Variants in OTUD4 observed in about 807,000 individuals in gnomAD.
The protein encoded by OTUD4 is OTU domain-containing protein 4.
A neutral mutation model predicts 130.4 loss-of-function variants in OTUD4; 24 were observed. The ratio of observed to expected loss-of-function variants is 0.18; its 90% CI spans 0.13 to 0.26. The LOEUF is 0.26. Among genes scored for constraint, OTUD4 ranks in the 10% least tolerant of loss-of-function variants. OTUD4 has a pLI of 1.00. For synonymous variants in OTUD4, 420 were observed against 472.5 expected (o/e 0.89, Z 1.44); for missense variants, 1,031 against 1,329.4 (o/e 0.78, Z 3.49).
At chr4:145,144,783 C>T (rs754781308) in intron 14 of OTUD4, among the ~76,000 whole-genome samples, 9 of 152,110 alleles carry the variant, frequency 5.9e-5, no homozygotes, top group Non-Finnish European at 1.0e-4. Flanking sequence ...CCAAAAAAAT[C>T]ATTGTAGCGC....
At chr4:145,139,263 GATAGTAAA>G (rs1231117774) in intron 20 of OTUD4, among the ~76,000 whole-genome samples, 3 of 152,184 alleles carry the variant, frequency 2.0e-5, no homozygotes, top group Non-Finnish European at 4.4e-5. Context: ...CAATGCAGCA[GATAGTAAA>G]ATAATCAAGT....
At position 145,135,715 on chromosome 4, in the gene OTUD4, A is replaced by C. The variant is rs1348328543; in HGVS notation, c.*1715T>G. 6.6e-6 allele frequency: 1 copy of C among 152,644 alleles called. No individual in the cohort carries two copies. 9.5% of individuals were successfully genotyped at this position (152,644 alleles called of 1,614,324 possible). A position where few individuals can be genotyped will look rare whatever the true frequency, so the allele number is the denominator to read the frequency against. On this transcript the variant is annotated 3_prime_UTR_variant, in exon 21 of 21. Transcript: ENST00000447906. ...ACAATTTTTTACCTAGCACCATCAT[A>C]ATAAAATGTTATCTTTCAAAGTGCT...
At chr4:145,155,724 C>T (rs2126770663) in intron 8 of OTUD4, 38 bp from the exon 9 acceptor site, 7 of 1,337,774 alleles carry the variant, frequency 5.2e-6, no homozygotes, top group Non-Finnish European at 6.3e-6. Flanking sequence ...CACATAAGTG[C>T]TTTTAAAACA....
chr4:145,152,345 T>A (rs1199840533), intron 11 of OTUD4, among the ~76,000 whole-genome samples, 196 bp downstream of exon 11: 3 of 152,182 alleles, frequency 2.0e-5, no homozygotes, highest in Non-Finnish European at 4.4e-5. Flanking sequence ...TCTCCTGACC[T>A]CATGATCCAC....
rs199653619 is a variant in OTUD4, at chr4:145,155,950, A to C, written c.676T>G (p.Leu226Val). The C allele has an allele frequency of 9.3e-6, 15 of 1,610,122 alleles. No homozygotes were observed. In the Admixed American group the frequency reaches 2.0e-4, roughly 22 times the overall value. ...AAAAAAAATACCTCATTGCCTGACA[A>C]AGGTTTAAATCCATTCACATCAGCA... Reference protein sequence around the residue: ...AAADVNGFKPLSGNEQLKNNG... With the variant: ...AAADVNGFKPVSGNEQLKNNG... Residue 226 changes from leucine (L) to valine (V), a missense_variant, in exon 8 of 21, where the codon TTG becomes GTG. Transcript: ENST00000447906.
At chr4:145,152,684 C>G (rs779155815) in intron 10 of OTUD4, 49 bp from the exon 11 acceptor site, 4 of 1,029,048 alleles carry the variant, frequency 3.9e-6, no homozygotes, top group Admixed American at 4.0e-5. Flanking sequence ...CAGTCACCTG[C>G]TTCCTTTGCA....
At chr4:145,162,281 C>T (rs1579274824) in intron 6 of OTUD4, among the ~76,000 whole-genome samples, 1 of 152,094 alleles carries the variant, frequency 6.6e-6, no homozygotes, top group Admixed American at 6.6e-5. Flanking sequence ...AGGCCGGGCA[C>T]GGTAGCTCAC....
chr4:145,136,099 TAATAA>T lies in OTUD4; in HGVS notation c.*1326_*1330del, dbSNP rs1347629383. ...TCCTGATCAGAAGATAATCTCAACA[TAATAA>T]AAGAGTGGATTTTCACATTGGTATG... On this transcript the variant is annotated 3_prime_UTR_variant, in exon 21 of 21. Coordinates refer to ENST00000447906, the MANE Select transcript of OTUD4 (RefSeq NM_001366057.1). 6.6e-6 allele frequency: 1 copy of T among 152,582 alleles called. No homozygotes were observed. The highest frequency in any genetic ancestry group is 2.4e-5 in the African/African-American group (1 of 41,424). The allele number at this position is 152,582 out of a possible 1,614,324, so 9.5% of individuals were successfully genotyped here.
At chr4:145,179,790 G>GCCCCCCCCCCCCCCCCCCCA in intron 1 of OTUD4, 25 bp downstream of exon 1, 1 of 703,092 alleles carries the variant, frequency 1.4e-6, no homozygotes, top group Non-Finnish European at 1.9e-6. Flanking sequence ...TCCCCTCGAA[G>GCCCCCCCCCCCCCCCCCCCA]CCCTCCCCGC....
In OTUD4 at chr4:145,144,005, T is replaced by C. The variant is rs1255419935; in HGVS notation, c.1547-4A>G. ...TGACTATGTCCATGAATAGAGTCTA[T>C]AGCAGATCAAGATTAAAAAAGACAG... On this transcript the variant is annotated splice_region_variant and splice_polypyrimidine_tract_variant and intron_variant, in intron 15 of 20. Transcript: ENST00000447906. 4.1e-5 allele frequency: 66 copies of C among 1,609,558 alleles called. No individual in the cohort carries two copies. The highest frequency in any genetic ancestry group is 3.3e-4 in the Middle Eastern group (2 of 6,076).
chr4:145,179,538 A>G (rs568529030), intron 1 of OTUD4: 3 of 1,113,950 alleles, frequency 2.7e-6, no homozygotes, highest in Non-Finnish European at 3.5e-6. Context: ...TCAACTGTAC[A>G]AGCTCCGAGC....
rs747742018 is a variant in OTUD4 at position 145,171,686 on chromosome 4, C to T, written c.278G>A (p.Arg93His). The stretch of plus-strand genomic sequence containing the variant: ...GTGACATACCTGTGGATTTTCCAAA[C>T]GCTTTAAATATTCTTCAAATGATCC... ...IEGSFEEYLK[R>H]LENPQEWVGQ... The change falls in exon 3 of 21, where the codon CGT becomes CAT. Residue 93 changes from arginine (R) to histidine (H), a missense_variant. Arg to His is a conservative substitution (Grantham distance 29). Around this residue, in one of 3 missense-constraint regions of OTUD4, gnomAD observed 77 missense variants for 172.9 expected, o/e 0.45. Coordinates refer to ENST00000447906, the MANE Select transcript of OTUD4 (RefSeq NM_001366057.1). The T allele has an allele frequency of 3.7e-6, 5 of 1,353,638 alleles. No individual in the cohort carries two copies. The highest frequency in any genetic ancestry group is 1.2e-5 in the South Asian group (1 of 84,548). The allele number at this position is 1,353,638 out of a possible 1,614,324, so 83.9% of individuals were successfully genotyped here.
intron 11 of OTUD4, among the ~76,000 whole-genome samples, chr4:145,152,112 G>A (rs1260772573): frequency 3.9e-5 from 6 of 152,058 alleles, no homozygotes; most frequent in Middle Eastern, 3.2e-3. Context: ...TCTAGAGGTC[G>A]GAACAAATAT....
At chr4:145,179,579 C>T (rs1215070319) in intron 1 of OTUD4, 24 of 1,354,020 alleles carry the variant, frequency 1.8e-5, no homozygotes, top group Non-Finnish European at 2.2e-5. Flanking sequence ...AACTCATTAC[C>T]TCTTCATCAG....
intron 11 of OTUD4, 29 bp from the exon 12 acceptor site, chr4:145,150,934 T>A (rs1281375485): frequency 7.3e-7 from 1 of 1,374,570 alleles, no homozygotes; most frequent in Non-Finnish European, 1.0e-6. Context: ...TTGTGATAGC[T>A]TAAAATACCC....
intron 4 of OTUD4, 35 bp from the exon 5 acceptor site, chr4:145,164,261 C>T (rs1266041722): frequency 1.1e-6 from 1 of 948,724 alleles, no homozygotes; most frequent in Non-Finnish European, 1.6e-6. Flanking sequence ...TTATAATGGA[C>T]TATACTTCAT....
At chr4:145,169,915 G>C (rs1012638588) in intron 3 of OTUD4, among the ~76,000 whole-genome samples, 1 of 152,186 alleles carries the variant, frequency 6.6e-6, no homozygotes, top group Non-Finnish European at 1.5e-5. Flanking sequence ...AAAGCATACA[G>C]AACTCTGTGT....
At chr4:145,147,823 A>G (rs908100295) in intron 13 of OTUD4, among the ~76,000 whole-genome samples, 1 of 152,208 alleles carries the variant, frequency 6.6e-6, no homozygotes, top group East Asian at 1.9e-4. Flanking sequence ...TGTGTTACAG[A>G]TTAGAAATAC....
chr4:145,156,143 T>C (rs1579264527), intron 7 of OTUD4, 147 bp from the exon 8 acceptor site: 1 of 575,550 alleles, frequency 1.7e-6, no homozygotes, highest in East Asian at 2.9e-5. Flanking sequence ...GGTACAAGTA[T>C]ATCTATATAT....
Sources: allele counts gnomAD v4.1 joint callset (sites outside exome capture counted in the v4.1 genomes callset), GRCh38; gene constraint gnomAD v4.1.1; regional missense constraint gnomAD v4.1.1; transcripts MANE v1.5; gene names NCBI Gene and HGNC (gene_info 2026-07-23, HGNC 2026-07-21).